The following MPZL2 variants were observed in gnomAD, a reference collection of about 807,000 sequenced individuals.
The protein encoded by MPZL2 is myelin protein zero like 2.
MPZL2 carries 32 observed loss-of-function variants against 24.5 expected under a neutral mutation model. That is an observed-to-expected ratio of 1.31 (90% CI 0.99 to 1.76). MPZL2 has a LOEUF of 1.76. MPZL2 is among the 40% of genes most tolerant of loss of function. The pLI, the probability that MPZL2 is intolerant of heterozygous loss-of-function variation, is 0.00. For missense variants in MPZL2, 304 were observed against 274.9 expected (o/e 1.11, Z -0.75); for synonymous variants, 92 against 97.9 (o/e 0.94, Z 0.36).
At chr11:118,258,991 G>A (rs1272323908) in intron 4 of MPZL2, among the ~76,000 whole-genome samples, 4 of 133,264 alleles carry the variant, frequency 3.0e-5, no homozygotes, top group Non-Finnish European at 4.7e-5. Context: ...ACACAAGAAT[G>A]GCCTAATACA....
chr11:118,262,654 G>C lies in MPZL2; in HGVS notation c.226-6C>G, dbSNP rs192171437. On this transcript the variant is annotated splice_polypyrimidine_tract_variant and splice_region_variant and intron_variant, in intron 2 of 5. Transcript: ENST00000278937. ...TCTATGTGGTAGTAGAATACCTAGA[G>C]AGGGGAAATGGCAAAAGGTCTTCTT... 23 of 1,612,900 alleles carry C rather than the reference G, an allele frequency of 1.4e-5. No individual in the cohort carries two copies. In the Admixed American group the frequency reaches 3.7e-4, roughly 26 times the overall value.
chr11:118,263,122 AG>A, intron 1 of MPZL2, 25 bp from the exon 2 acceptor site: 1 of 1,606,672 alleles, frequency 6.2e-7, no homozygotes, highest in Non-Finnish European at 8.5e-7. Context: ...AAGAAAAAGA[AG>A]GGTTAACAGG....
In MPZL2 at chr11:118,254,792, C is replaced by T. The variant is rs555769851; in HGVS notation, c.*454G>A. Reference sequence around the variant, plus strand: ...TCAGAAACACCGAGGAGGCTTAGCTCACCTTTTAATTGAGAATGTGGGAAG... The same window carrying T: ...TCAGAAACACCGAGGAGGCTTAGCTTACCTTTTAATTGAGAATGTGGGAAG... On this transcript the variant is annotated 3_prime_UTR_variant, in exon 6 of 6. Transcript: ENST00000278937. The T allele has an allele frequency of 2.0e-5, 3 of 152,330 alleles. No individual in the cohort carries two copies. The highest frequency in any genetic ancestry group is 4.8e-5 in the African/African-American group (2 of 41,586). The allele number at this position is 152,330 out of a possible 1,614,324, so 9.4% of individuals were successfully genotyped here. A position where few individuals can be genotyped will look rare whatever the true frequency, so the allele number is the denominator to read the frequency against.
chr11:118,262,675 T>C, intron 2 of MPZL2, 27 bp from the exon 3 acceptor site: 1 of 1,606,168 alleles, frequency 6.2e-7, no homozygotes, highest in South Asian at 1.1e-5. Flanking sequence ...GCAAAAGGTC[T>C]TCTTACTCAG....
In MPZL2 at chr11:118,264,202, GCTCC is replaced by G; in HGVS notation, c.-53_-50del. ...AGAGACCGGACGGGGCAGACCGAGG[GCTCC>G]AACACCCTGCCAAGGCCACTCCGGG... On this transcript the variant is annotated 5_prime_UTR_variant, in exon 1 of 6. Coordinates refer to ENST00000278937, the MANE Select transcript of MPZL2 (RefSeq NM_005797.4). The G allele has an allele frequency of 6.3e-7, 1 of 1,590,932 alleles. No individual in the cohort carries two copies. The highest frequency in any genetic ancestry group is 8.6e-7 in the Non-Finnish European group (1 of 1,159,512).
rs185437715 is a variant in MPZL2 at position 118,253,572 on chromosome 11, C to A, written c.*1674G>T. On this transcript the variant is annotated 3_prime_UTR_variant, in exon 6 of 6. Coordinates refer to ENST00000278937, the MANE Select transcript of MPZL2 (RefSeq NM_005797.4). ...GACTATTTAGCCAAGACATAAGCTA[C>A]AAATTTTGCCGGAAAAACTGTCCAT... 166 of 152,280 alleles carry A rather than the reference C, an allele frequency of 1.1e-3. No individual in the cohort carries two copies. The highest frequency in any genetic ancestry group is 3.8e-3 in the African/African-American group (158 of 41,578). 9.4% of individuals were successfully genotyped at this position (152,280 alleles called of 1,614,324 possible). A position where few individuals can be genotyped will look rare whatever the true frequency, so the allele number is the denominator to read the frequency against.
intron 3 of MPZL2, among the ~76,000 whole-genome samples, chr11:118,260,656 TA>T (rs1483009887): frequency 6.6e-6 from 1 of 152,204 alleles, no homozygotes; most frequent in Non-Finnish European, 1.5e-5. Flanking sequence ...CTCAGTCAGT[TA>T]TTTATTCAGA....
rs1591502749 is a variant in MPZL2, at chr11:118,253,671, T to C, written c.*1575A>G. 1 of 152,282 alleles carries C rather than the reference T, an allele frequency of 6.6e-6. No individual in the cohort carries two copies. The highest frequency in any genetic ancestry group is 2.1e-4 in the South Asian group (1 of 4,834). The allele number at this position is 152,282 out of a possible 1,614,324, so 9.4% of individuals were successfully genotyped here. ...ATCTGTTTGAAGAAATATCCAGTTA[T>C]AATATTTTCAAAGGTTAGAATTGTG... On this transcript the variant is annotated 3_prime_UTR_variant, in exon 6 of 6. Coordinates refer to ENST00000278937, the MANE Select transcript of MPZL2 (RefSeq NM_005797.4).
chr11:118,258,897 C>T (rs772166397), intron 4 of MPZL2, among the ~76,000 whole-genome samples: 5 of 151,970 alleles, frequency 3.3e-5, no homozygotes, highest in Admixed American at 6.6e-5. Context: ...CCAACATCGG[C>T]GCCATGCTTG....
At position 118,264,245 on chromosome 11, in the gene MPZL2, G is replaced by T; in HGVS notation, c.-92C>A. Reference sequence around the variant, plus strand: ...GGCCACTCCGGGAGGAGCAAGCACCGCGTTTTCCCAGAGAGAGGAGTTTGA... The same window carrying T: ...GGCCACTCCGGGAGGAGCAAGCACCTCGTTTTCCCAGAGAGAGGAGTTTGA... On this transcript the variant is annotated 5_prime_UTR_variant, in exon 1 of 6. Coordinates refer to ENST00000278937, the MANE Select transcript of MPZL2 (RefSeq NM_005797.4). The T allele has an allele frequency of 7.9e-7, 1 of 1,258,494 alleles. No individual in the cohort carries two copies. The highest frequency in any genetic ancestry group is 1.2e-6 in the Non-Finnish European group (1 of 862,292). The allele number at this position is 1,258,494 out of a possible 1,614,324, so 78.0% of individuals were successfully genotyped here.
chr11:118,264,087 G>A lies in MPZL2; in HGVS notation c.58+9C>T, dbSNP rs1187973984. The A allele has an allele frequency of 1.9e-6, 3 of 1,608,174 alleles. No individual in the cohort carries two copies. Among genetic ancestry groups the A allele is most frequent in the East Asian group, 2.2e-5 (1 of 44,880 alleles). ...GAGGAAACTCTGAGAGAAGCCCGCC[G>A]GCTCTTACCTGTGAGCTGTATGCCA... On this transcript the variant is annotated intron_variant, in intron 1 of 5. Coordinates refer to ENST00000278937, the MANE Select transcript of MPZL2 (RefSeq NM_005797.4).
intron 5 of MPZL2, chr11:118,256,920 A>T (rs1301424706): frequency 5.7e-6 from 1 of 174,986 alleles, no homozygotes; most frequent in Non-Finnish European, 1.2e-5. Flanking sequence ...CTTTTGATTT[A>T]AAAAAGATTT....
At position 118,264,235 on chromosome 11, in the gene MPZL2, A is replaced by G. The variant is rs1232430226; in HGVS notation, c.-82T>C. The G allele has an allele frequency of 7.4e-7, 1 of 1,353,670 alleles. No homozygotes were observed. The highest frequency in any genetic ancestry group is 1.1e-6 in the Non-Finnish European group (1 of 946,566). The allele number at this position is 1,353,670 out of a possible 1,614,324, so 83.9% of individuals were successfully genotyped here. On this transcript the variant is annotated 5_prime_UTR_variant, in exon 1 of 6. Transcript: ENST00000278937. ...ACCCTGCCAAGGCCACTCCGGGAGG[A>G]GCAAGCACCGCGTTTTCCCAGAGAG...
chr11:118,262,386 T>G, intron 3 of MPZL2, 52 bp downstream of exon 3: 6 of 1,579,024 alleles, frequency 3.8e-6, no homozygotes, highest in Non-Finnish European at 5.2e-6. Flanking sequence ...TGCCCCTTTC[T>G]TTTCTACAAG....
chr11:118,259,044 G>A (rs1949681250), intron 4 of MPZL2, among the ~76,000 whole-genome samples: 1 of 151,148 alleles, frequency 6.6e-6, no homozygotes, highest in African/African-American at 2.4e-5. Context: ...TGTTGAGGAG[G>A]ATGGGGAGAA....
chr11:118,255,861 C>T (rs1629083), intron 5 of MPZL2, among the ~76,000 whole-genome samples: 76,516 of 151,908 alleles, frequency 0.5, 19,424 homozygotes, highest in South Asian at 0.72. Context: ...ATTGCCCCTC[C>T]AAGCTTGTTT....
At chr11:118,263,224 CCCAA>C in intron 1 of MPZL2, 127 bp from the exon 2 acceptor site, 1 of 978,676 alleles carries the variant, frequency 1.0e-6, no homozygotes, top group Non-Finnish European at 1.5e-6. Flanking sequence ...TGCCCCATCT[CCCAA>C]ACTTACTTCA....
Position 118,264,295 on chromosome 11 carries a change from G to C in MPZL2, c.-142C>G. 2 of 728,848 alleles carry C rather than the reference G, an allele frequency of 2.7e-6. No homozygotes were observed. Among genetic ancestry groups the C allele is most frequent in the Non-Finnish European group, 4.8e-6 (2 of 419,422 alleles). 45.1% of individuals were successfully genotyped at this position (728,848 alleles called of 1,614,324 possible). ...AGTTGAGTTCCTCACCTGTGCCTGT[G>C]ACTCAGCCCGCTCTGCCTGTGCACT... On this transcript the variant is annotated 5_prime_UTR_variant, in exon 1 of 6. Transcript: ENST00000278937.
chr11:118,260,210 A>C lies in MPZL2; in HGVS notation c.437-9T>G, dbSNP rs1186365650. ...GATCTCAGAGAAGCGTACTGTAAGG[A>C]GAAAAAGATTAAATTAGGATTCTAA... On this transcript the variant is annotated splice_polypyrimidine_tract_variant and intron_variant, in intron 3 of 5. Transcript: ENST00000278937. 1.2e-6 allele frequency: 2 copies of C among 1,609,490 alleles called. No individual in the cohort carries two copies. The highest frequency in any genetic ancestry group is 1.7e-6 in the Non-Finnish European group (2 of 1,178,686).
Sources: gnomAD v4.1 joint callset for allele counts (sites outside exome capture counted in the v4.1 genomes callset) on GRCh38, gnomAD v4.1.1 for gene constraint, MANE v1.5 for transcripts, NCBI Gene and HGNC (gene_info 2026-07-23, HGNC 2026-07-21) for gene names.